CCDC141: variants seen among roughly 807,000 people sequenced by gnomAD.
CCDC141 encodes coiled-coil domain containing 141, also known as coiled-coil domain-containing protein 141.
Under a neutral mutation model 181.0 loss-of-function variants are expected in CCDC141, and 168 were observed. That is an observed-to-expected ratio of 0.93 (90% CI 0.82 to 1.05). The LOEUF (loss-of-function observed/expected upper bound fraction) is 1.05, where lower values mean the gene tolerates loss of function less well. Ranked by LOEUF, CCDC141 falls within the 50% of genes least tolerant of loss-of-function variation. The probability of loss-of-function intolerance (pLI) is 0.00; values close to 1 mark genes in which losing one functional copy is unlikely to be tolerated. For synonymous variants in CCDC141, 666 were observed against 642.3 expected (o/e 1.04, Z -0.56); for missense variants, 1,902 against 1,788.5 (o/e 1.06, Z -1.14).
intron 2 of CCDC141, among the ~76,000 whole-genome samples, chr2:179,017,604 T>C (rs1337755222): frequency 6.6e-6 from 1 of 152,080 alleles, no homozygotes; most frequent in Admixed American, 6.6e-5. Flanking sequence ...TTAGACACTG[T>C]CTGAGGTGAA....
At chr2:179,004,312 A>T (rs1371463371) in intron 2 of CCDC141, among the ~76,000 whole-genome samples, 1 of 152,180 alleles carries the variant, frequency 6.6e-6, no homozygotes, top group Non-Finnish European at 1.5e-5. Context: ...TGTTGTCATT[A>T]TTGCTACCAT....
Position 179,015,089 on chromosome 2 carries a change from T to C in CCDC141, c.225+32195A>G, listed in dbSNP as rs993151378. Among the ~76,000 whole-genome samples, 235 of 47,128 alleles carry C rather than the reference T, an allele frequency of 5.0e-3. 12 individuals are homozygous for C. The highest frequency in any genetic ancestry group is 0.015 in the African/African-American group (228 of 15,618). The allele number at this position is 47,128 out of a possible 152,430, so 30.9% of individuals were successfully genotyped here. A position where few individuals can be genotyped will look rare whatever the true frequency, so the allele number is the denominator to read the frequency against. ...AGAGATATATATATATATATATATA[T>C]ATATATATATATATAATATATATAT... On this transcript the variant is annotated intron_variant, in intron 2 of 23. Transcript: ENST00000443758.
chr2:178,985,167 G>T (rs193014592), intron 2 of CCDC141, among the ~76,000 whole-genome samples: 5 of 151,700 alleles, frequency 3.3e-5, no homozygotes, highest in African/African-American at 9.7e-5. Flanking sequence ...GAATCTCACT[G>T]AAAACAGCTC....
Position 178,855,392 on chromosome 2 carries a change from C to T in CCDC141, c.3015G>A (p.Lys1005=). The T allele has an allele frequency of 1.2e-6, 2 of 1,612,058 alleles. No homozygotes were observed. Among genetic ancestry groups the T allele is most frequent in the Non-Finnish European group, 1.7e-6 (2 of 1,179,346 alleles). ...DDFDKVVTDY[K]KNLDLTEHFQ... ...AATGCTCAGTCAGGTCCAAATTCTT[C>T]TTGTAATCTGTCACAACTTTGTCAA... Residue 1005 remains lysine (K), a synonymous_variant, in exon 19 of 24, where the codon AAG becomes AAA. Coordinates refer to ENST00000443758, the MANE Select transcript of CCDC141 (RefSeq NM_173648.4).
rs189103359 is a variant in CCDC141 at position 178,886,190 on chromosome 2, C to T, written c.1527+562G>A. Among the ~76,000 whole-genome samples, 122 of 152,078 alleles carry T rather than the reference C, an allele frequency of 8.0e-4. 1 individual carries two copies. Among genetic ancestry groups the T allele is most frequent in the African/African-American group, 2.8e-3 (116 of 41,472 alleles). On this transcript the variant is annotated intron_variant, in intron 10 of 23. Coordinates refer to ENST00000443758, the MANE Select transcript of CCDC141 (RefSeq NM_173648.4). ...CAGGGGAGGGCACTTGACTCATGTT[C>T]CTTAAACTTTGCTGGAGCAGACAGA... is the stretch of plus-strand genomic sequence containing the variant.
chr2:178,820,943 T>C, the CCDC141 span, among the ~76,000 whole-genome samples: 1 of 152,146 alleles, frequency 6.6e-6, no homozygotes, highest in African/African-American at 2.4e-5. Flanking sequence ...GATGTCAAAG[T>C]GACTTTTTAT....
chr2:178,870,366 T>C (rs1686062409), intron 14 of CCDC141, among the ~76,000 whole-genome samples: 2 of 151,362 alleles, frequency 1.3e-5, no homozygotes, highest in South Asian at 2.1e-4. Flanking sequence ...TTCAGAAGAG[T>C]GACCTAAAAA....
chr2:178,912,580 T>C (rs566887878), intron 7 of CCDC141, among the ~76,000 whole-genome samples: 1 of 152,348 alleles, frequency 6.6e-6, no homozygotes, highest in South Asian at 2.1e-4. Flanking sequence ...TTCTAAACAC[T>C]ACACTCATCA....
intron 8 of CCDC141, among the ~76,000 whole-genome samples, chr2:178,902,617 A>G (rs949922785): frequency 5.9e-5 from 9 of 152,146 alleles, no homozygotes; most frequent in African/African-American, 2.2e-4. Flanking sequence ...AAGATGGACT[A>G]AAGACTTAAA....
chr2:178,845,727 T>G lies in CCDC141; in HGVS notation c.3373A>C (p.Lys1125Gln). 1 of 1,604,064 alleles carries G rather than the reference T, an allele frequency of 6.2e-7. No homozygotes were observed. Among genetic ancestry groups the G allele is most frequent in the Admixed American group, 1.7e-5 (1 of 59,982 alleles). The change falls in exon 22 of 24, where the codon AAG becomes CAG. Residue 1125 changes from lysine (K) to glutamine (Q), a missense_variant. Coordinates refer to ENST00000443758, the MANE Select transcript of CCDC141 (RefSeq NM_173648.4). ...AAGTCTTCCAAATTCGGATTCATCTTTAAAACATCTCCCTGCTGTACAAAG... is the reference window on the plus strand; with the variant it reads ...AAGTCTTCCAAATTCGGATTCATCTGTAAAACATCTCCCTGCTGTACAAAG... Reference protein sequence around the residue: ...EEKLKQGDVLKMNPNLEDFHY... With the variant: ...EEKLKQGDVLQMNPNLEDFHY...
chr2:178,881,913 T>TCACA (rs1270989895), intron 11 of CCDC141, among the ~76,000 whole-genome samples: 82 of 110,986 alleles, frequency 7.4e-4, no homozygotes, highest in East Asian at 1.0e-3. Context: ...TCTCTCTCTC[T>TCACA]CTCACACACA....
chr2:178,989,621 T>A lies in CCDC141; in HGVS notation c.226-10946A>T, dbSNP rs1397838417. Among the ~76,000 whole-genome samples the A allele has an allele frequency of 7.5e-5, 11 of 145,944 alleles. No individual in the cohort carries two copies. The East Asian group carries it at 8.1e-4, about 11-fold the overall frequency. ...AAAAAAAAAAAAATAAATAAATAAA[T>A]AAATAAATAAATAAATAAATAAAAC... On this transcript the variant is annotated intron_variant, in intron 2 of 23. Coordinates refer to ENST00000443758, the MANE Select transcript of CCDC141 (RefSeq NM_173648.4).
chr2:178,849,077 C>T (rs188104464), intron 21 of CCDC141, among the ~76,000 whole-genome samples: 1 of 152,088 alleles, frequency 6.6e-6, no homozygotes, highest in African/African-American at 2.4e-5. Flanking sequence ...GTTGGGCACC[C>T]ACTGAATTAA....
intron 13 of CCDC141, 39 bp downstream of exon 13, chr2:178,872,094 A>AT (rs1280899428): frequency 6.3e-7 from 1 of 1,591,584 alleles, no homozygotes; most frequent in Admixed American, 1.8e-5. Context: ...CTGTGTCGGA[A>AT]TTTCATTCCT....
chr2:178,994,478 T>C (rs67350921), intron 2 of CCDC141, among the ~76,000 whole-genome samples: 16,694 of 152,258 alleles, frequency 0.11, 1,037 homozygotes, highest in African/African-American at 0.15. Context: ...ACACAGCACA[T>C]TGACCCTGGG....
At chr2:179,048,095 G>T (rs190064362) in intron 1 of CCDC141, among the ~76,000 whole-genome samples, 21 of 152,294 alleles carry the variant, frequency 1.4e-4, no homozygotes, top group Admixed American at 1.1e-3. Flanking sequence ...GATATAATTT[G>T]TCATTGCATT....
intron 2 of CCDC141, among the ~76,000 whole-genome samples, chr2:179,013,859 G>GAT (rs1306247869): frequency 6.7e-6 from 1 of 148,600 alleles, no homozygotes; most frequent in East Asian, 2.1e-4. Context: ...TTGGGAGGCT[G>GAT]AGGCAGGAGA....
At position 178,986,797 on chromosome 2, in the gene CCDC141, G is replaced by A. The variant is rs373999868; in HGVS notation, c.226-8122C>T. 5.6e-3 allele frequency among the ~76,000 whole-genome samples: 848 copies of A among 151,340 alleles called. 6 individuals carry two copies. Among genetic ancestry groups the A allele is most frequent in the African/African-American group, 0.015 (633 of 41,076 alleles). On this transcript the variant is annotated intron_variant, in intron 2 of 23. Transcript: ENST00000443758. ...ACCTCTTCAAGGAGAACTACAAACCGCTGCTCAAGGAAATAAAAGAGGATA... is the reference window on the plus strand; with the variant it reads ...ACCTCTTCAAGGAGAACTACAAACCACTGCTCAAGGAAATAAAAGAGGATA...
intron 5 of CCDC141, among the ~76,000 whole-genome samples, chr2:178,960,206 A>G (rs892736679): frequency 2.0e-5 from 3 of 152,202 alleles, no homozygotes; most frequent in African/African-American, 7.2e-5. Context: ...AATTTCCTAG[A>G]GGAAAAAGGC....
Sources: gnomAD v4.1 joint callset for allele counts (sites outside exome capture counted in the v4.1 genomes callset) on GRCh38, gnomAD v4.1.1 for gene constraint, MANE v1.5 for transcripts, NCBI Gene and HGNC (gene_info 2026-07-23, HGNC 2026-07-21) for gene names.